FANCG: variants seen among roughly 807,000 people sequenced by gnomAD.
FANCG encodes the protein FA complementation group G.
Under a neutral mutation model 73.3 loss-of-function variants are expected in FANCG, and 67 were observed. The observed-to-expected ratio is 0.91, with a 90% CI of 0.75 to 1.12. FANCG has a LOEUF of 1.12. Among genes scored for constraint, FANCG ranks in the 50% most tolerant of loss-of-function variants. The probability of loss-of-function intolerance (pLI) is 0.00; values close to 1 mark genes in which losing one functional copy is unlikely to be tolerated. For missense variants in FANCG, 643 were observed against 735.6 expected (o/e 0.87, Z 1.46); for synonymous variants, 297 against 311.6 (o/e 0.95, Z 0.49).
At chr9:35,077,166 G>A (rs1829100894) in intron 5 of FANCG, 65 bp from the exon 6 acceptor site, 1 of 1,613,920 alleles carries the variant, frequency 6.2e-7, no homozygotes, top group East Asian at 2.2e-5. Flanking sequence ...GGGGAACAAG[G>A]GTCTAAGAAG....
intron 4 of FANCG, among the ~76,000 whole-genome samples, chr9:35,077,847 A>G (rs772303362): frequency 5.0e-4 from 76 of 151,296 alleles, no homozygotes; most frequent in Non-Finnish European, 9.3e-4. Flanking sequence ...CTCACAACTC[A>G]CTGTTGCCTC....
Position 35,074,079 on chromosome 9 carries a change from C to T in FANCG, c.*29G>A. ...CCACAGAGAGACAGCCCACTGGGGA[C>T]CCAGCTCAAGCTCTTCAAAACGTGG... On this transcript the variant is annotated 3_prime_UTR_variant, in exon 14 of 14. Transcript: ENST00000378643. 6.4e-7 allele frequency: 1 copy of T among 1,559,428 alleles called. No individual in the cohort carries two copies. The highest frequency in any genetic ancestry group is 1.4e-5 in the African/African-American group (1 of 73,892).
rs754635557 is a variant in FANCG, at chr9:35,075,576, C to A, written c.1322G>T (p.Gly441Val). 1.2e-5 allele frequency: 19 copies of A among 1,613,992 alleles called. No individual in the cohort carries two copies. Among genetic ancestry groups the A allele is most frequent in the Non-Finnish European group, 1.5e-5 (18 of 1,180,016 alleles). ...MSRLWEDARK[G>V]TKELPYCPLW... Reference sequence around the variant, plus strand: ...TGGGCAGTATGGCAGTTCCTTGGTTCCTTTTCTGGCATCTTCCCACAGCCG... The same window carrying A: ...TGGGCAGTATGGCAGTTCCTTGGTTACTTTTCTGGCATCTTCCCACAGCCG... Residue 441 changes from glycine to valine, a missense_variant, in exon 10 of 14, where the codon GGA becomes GTA. Physicochemically the swap from Gly to Val is moderately radical, Grantham distance 109 (BLOSUM62 -3). Coordinates refer to ENST00000378643, the MANE Select transcript of FANCG (RefSeq NM_004629.2).
In FANCG at chr9:35,079,617, G is replaced by C. The variant is rs532840867; in HGVS notation, c.-93C>G. ...CCCAACCCCAGCGGGGAGGGGCCTG[G>C]GCACTTCTGCACCCCGCCGAGCTCC... On this transcript the variant is annotated 5_prime_UTR_variant, in exon 1 of 14. Coordinates refer to ENST00000378643, the MANE Select transcript of FANCG (RefSeq NM_004629.2). The C allele has an allele frequency of 9.6e-4, 1,252 of 1,305,804 alleles. 13 individuals carry two copies. The South Asian group carries it at 0.014, about 14-fold the overall frequency. 80.9% of individuals were successfully genotyped at this position (1,305,804 alleles called of 1,614,324 possible). A position where few individuals can be genotyped will look rare whatever the true frequency, so the allele number is the denominator to read the frequency against.
rs1335548458 is a variant in FANCG at position 35,075,671 on chromosome 9, T to G, written c.1227A>C (p.Arg409Ser). Residue 409 changes from arginine to serine, a missense_variant, in exon 10 of 14, where the codon AGA becomes AGC. Physicochemically the swap from Arg to Ser is moderately radical, Grantham distance 110. Transcript: ENST00000378643. Reference protein sequence around the residue: ...EAAVALIQAGRAQDALTLCEE... With the variant: ...EAAVALIQAGSAQDALTLCEE... ...CACATAGAGTCAAGGCATCTTGGGCTCTGCCTGCCTGGATCAGTGCTACCG... is the reference window on the plus strand; with the variant it reads ...CACATAGAGTCAAGGCATCTTGGGCGCTGCCTGCCTGGATCAGTGCTACCG... The G allele has an allele frequency of 6.3e-7, 1 of 1,595,964 alleles. No individual in the cohort carries two copies. The highest frequency in any genetic ancestry group is 2.3e-5 in the East Asian group (1 of 43,774).
Position 35,076,515 on chromosome 9 carries a change from T to C in FANCG, c.993A>G (p.Pro331=). 1.2e-6 allele frequency: 2 copies of C among 1,614,142 alleles called. No homozygotes were observed. Among genetic ancestry groups the C allele is most frequent in the Middle Eastern group, 1.6e-4 (1 of 6,062 alleles). ...FLIEVELLLP[P]PDLASPLHCG... ...AATGAAGGGGTGAGGCTAGGTCAGG[T>C]GGTGGCAGTAGTAATTCTACCTCAA... Residue 331 remains proline (P), a synonymous_variant, in exon 8 of 14, where the codon CCA becomes CCG. Coordinates refer to ENST00000378643, the MANE Select transcript of FANCG (RefSeq NM_004629.2).
chr9:35,079,230 G>A lies in FANCG; in HGVS notation c.96C>T (p.Asn32=), dbSNP rs1446862768. 6.2e-7 allele frequency: 1 copy of A among 1,607,498 alleles called. No homozygotes were observed. The highest frequency in any genetic ancestry group is 8.5e-7 in the Non-Finnish European group (1 of 1,177,286). The part of the protein sequence containing the change: ...RLVRQAKVAQ[N]SGLTLRRQQL... ...GCTGTCGCCTCAGAGTCAGACCGGA[G>A]TTCTGAGCCACCTGCCACATGAGGG... The change falls in exon 2 of 14, where the codon AAC becomes AAT. Residue 32 remains asparagine, a synonymous_variant. Transcript: ENST00000378643.
Position 35,074,965 on chromosome 9 carries a change from G to C in FANCG, c.1598C>G (p.Ala533Gly), listed in dbSNP as rs1018397010. The change falls in exon 12 of 14, where the codon GCC (alanine) becomes GGC (glycine). Residue 533 changes from alanine to glycine, a missense_variant. By Grantham distance (60) the Ala-to-Gly change is moderately conservative. Coordinates refer to ENST00000378643, the MANE Select transcript of FANCG (RefSeq NM_004629.2). Reference protein sequence around the residue: ...EWVASGQDTKALQDFLLSVQM... With the variant: ...EWVASGQDTKGLQDFLLSVQM... ...CACACTGAGGAGGAAGTCCTGTAAG[G>C]CTTTGGTATCCTGGCCGCTGGCTAC... The C allele has an allele frequency of 1.9e-6, 3 of 1,614,192 alleles. No homozygotes were observed. The highest frequency in any genetic ancestry group is 2.7e-5 in the African/African-American group (2 of 75,044).
intron 12 of FANCG, 153 bp downstream of exon 12, chr9:35,074,774 A>G: frequency 9.7e-7 from 1 of 1,025,826 alleles, no homozygotes; most frequent in Admixed American, 1.9e-5. Flanking sequence ...TGTATATTTG[A>G]ACACCTGGAT....
At chr9:35,075,435 T>A (rs756155858) in intron 10 of FANCG, 30 bp downstream of exon 10, 6 of 1,613,822 alleles carry the variant, frequency 3.7e-6, no homozygotes. Context: ...AAATCATCCC[T>A]CCACACCCCC....
rs1829027845 is a variant in FANCG, at chr9:35,074,019, C to G, written c.*89G>C. On this transcript the variant is annotated 3_prime_UTR_variant, in exon 14 of 14. Coordinates refer to ENST00000378643, the MANE Select transcript of FANCG (RefSeq NM_004629.2). Reference sequence around the variant, plus strand: ...AGTCCAGGAATTATATAGGAATGGTCACATTCCTAATGATGGTGAAGCAGA... The same window carrying G: ...AGTCCAGGAATTATATAGGAATGGTGACATTCCTAATGATGGTGAAGCAGA... The G allele has an allele frequency of 2.1e-6, 2 of 971,712 alleles. No individual in the cohort carries two copies. Among genetic ancestry groups the G allele is most frequent in the South Asian group, 1.3e-5 (1 of 77,796 alleles). The allele number at this position is 971,712 out of a possible 1,614,324, so 60.2% of individuals were successfully genotyped here. A position where few individuals can be genotyped will look rare whatever the true frequency, so the allele number is the denominator to read the frequency against.
chr9:35,075,763 G>A lies in FANCG; in HGVS notation c.1144-9C>T, dbSNP rs778217810. On this transcript the variant is annotated splice_polypyrimidine_tract_variant and intron_variant, in intron 9 of 13. Coordinates refer to ENST00000378643, the MANE Select transcript of FANCG (RefSeq NM_004629.2). ...GAGGGGGGTGGGGAGAACTGGAGTG[G>A]GAAGAAGAAGCAGTGTCTTGAAAGG... 3.8e-6 allele frequency: 6 copies of A among 1,576,930 alleles called. No homozygotes were observed. Among genetic ancestry groups the A allele is most frequent in the Non-Finnish European group, 5.2e-6 (6 of 1,148,506 alleles).
chr9:35,074,260 G>A (rs756542501), intron 13 of FANCG, 44 bp from the exon 14 acceptor site: 47 of 1,612,258 alleles, frequency 2.9e-5, no homozygotes, highest in Middle Eastern at 1.6e-4. Flanking sequence ...AAGATTGGCA[G>A]AAAGCTGGGC....
chr9:35,078,980 G>A (rs1480443362), intron 2 of FANCG, among the ~76,000 whole-genome samples, 171 bp downstream of exon 2: 1 of 152,246 alleles, frequency 6.6e-6, no homozygotes, highest in African/African-American at 2.4e-5. Flanking sequence ...CTGTGAGTGT[G>A]TAAGGAAGAG....
chr9:35,076,815 G>A lies in FANCG; in HGVS notation c.833C>T (p.Ala278Val), dbSNP rs771395169. 12 of 1,614,138 alleles carry A rather than the reference G, an allele frequency of 7.4e-6. No homozygotes were observed. The highest frequency in any genetic ancestry group is 3.3e-4 in the Middle Eastern group (2 of 6,062). Residue 278 changes from alanine (A) to valine (V), a missense_variant, in exon 7 of 14, where the codon GCC becomes GTC. Transcript: ENST00000378643. ...GGCCTCCAGAAGTGGAGGACCCCAG[G>A]CTGATCCCTCTTTCAGGGCTGCAAC... ...YLVAALKEGS[A>V]WGPPLLEASR...
chr9:35,075,469 TA>T lies in FANCG; in HGVS notation c.1428del (p.Phe476LeufsTer42). 6.2e-7 allele frequency: 1 copy of T among 1,614,140 alleles called. No individual in the cohort carries two copies. Among genetic ancestry groups the T allele is most frequent in the South Asian group, 1.1e-5 (1 of 91,084 alleles). On this transcript the variant is annotated frameshift_variant, in exon 10 of 14. Coordinates refer to ENST00000378643, the MANE Select transcript of FANCG (RefSeq NM_004629.2). LOFTEE classifies it high-confidence loss of function. ...CCTCTAGGACCCCGGGCTCACCTGCTAAATTCACTAATTGCCACTTTTTGGG... is the reference window on the plus strand; with the variant it reads ...CCTCTAGGACCCCGGGCTCACCTGCTAATTCACTAATTGCCACTTTTTGGG... ...LGAQKVAISE[F>X]SRCLELLFRA... is the part of the protein sequence containing the mutation.
chr9:35,079,645 T>G lies in FANCG; in HGVS notation c.-121A>C. 1.0e-6 allele frequency: 1 copy of G among 968,886 alleles called. No individual in the cohort carries two copies. The highest frequency in any genetic ancestry group is 1.6e-6 in the Non-Finnish European group (1 of 614,536). The allele number at this position is 968,886 out of a possible 1,614,324, so 60.0% of individuals were successfully genotyped here. ...ACTTCTGCACCCCGCCGAGCTCCCC[T>G]GCTTCTCTCGGGGTCCCAATCCACC... On this transcript the variant is annotated 5_prime_UTR_variant, in exon 1 of 14. Coordinates refer to ENST00000378643, the MANE Select transcript of FANCG (RefSeq NM_004629.2).
At chr9:35,077,192 G>A (rs902493428) in intron 5 of FANCG, 72 bp downstream of exon 5, 1 of 1,613,512 alleles carries the variant, frequency 6.2e-7, no homozygotes, top group African/African-American at 1.3e-5. Context: ...GGAACTGAAT[G>A]GGACAAGAGA....
chr9:35,074,151 AG>A lies in FANCG; in HGVS notation c.1825del (p.Glu610LysfsTer41), dbSNP rs1829031083. 1.1e-5 allele frequency: 17 copies of A among 1,614,256 alleles called. No homozygotes were observed. Among genetic ancestry groups the A allele is most frequent in the Non-Finnish European group, 1.4e-5 (17 of 1,180,040 alleles). ...TGGCAGAGATGTCCGAAATTCTTCAAGGAAGGCGTCACGATCAGAGGGACGG... is the reference window on the plus strand; with the variant it reads ...TGGCAGAGATGTCCGAAATTCTTCAAGAAGGCGTCACGATCAGAGGGACGG... ...WIRPSDRDAFLEEFRTSLPKS... is the reference protein window; with the variant it reads ...WIRPSDRDAFXEEFRTSLPKS... On this transcript the variant is annotated frameshift_variant, in exon 14 of 14. Coordinates refer to ENST00000378643, the MANE Select transcript of FANCG (RefSeq NM_004629.2). LOFTEE classifies it high-confidence loss of function.
Sources: gnomAD v4.1 joint callset for allele counts (sites outside exome capture counted in the v4.1 genomes callset) on GRCh38, gnomAD v4.1.1 for gene constraint, MANE v1.5 for transcripts, NCBI Gene and HGNC (gene_info 2026-07-23, HGNC 2026-07-21) for gene names.